The following CPLX1 variants were observed in gnomAD, a reference collection of about 807,000 sequenced individuals.
The protein encoded by CPLX1 is complexin-1.
CPLX1 carries 6 observed loss-of-function variants against 15.6 expected under a neutral mutation model. The ratio of observed to expected loss-of-function variants is 0.39; its 90% confidence interval spans 0.21 to 0.76. The LOEUF is 0.76. Among genes scored for constraint, CPLX1 ranks in the 30% least tolerant of loss-of-function variants. CPLX1 has a pLI of 0.43. For synonymous variants in CPLX1, 91 were observed against 75.2 expected, an observed-to-expected ratio of 1.21 and a Z score of -1.08; for missense variants, 242 against 188.6, an observed-to-expected ratio of 1.28 and a Z score of -1.66.
At chr4:816,214 T>A (rs926929951) in intron 2 of CPLX1, among the ~76,000 whole-genome samples, 25 of 59,956 alleles carry the variant, frequency 4.2e-4, no homozygotes, top group Admixed American at 4.8e-4. Flanking sequence ...CTCCGTGAAA[T>A]TTTTTTTTTT....
intron 3 of CPLX1, chr4:788,083 A>G: frequency 2.0e-6 from 2 of 985,396 alleles, no homozygotes; most frequent in Non-Finnish European, 2.4e-6. Flanking sequence ...GGAGGAGCAC[A>G]CCGCGGGATC....
chr4:797,760 C>T lies in CPLX1; in HGVS notation c.32-5152G>A, dbSNP rs192648532. On this transcript the variant is annotated intron_variant, in intron 2 of 3. Coordinates refer to ENST00000304062, the MANE Select transcript of CPLX1 (RefSeq NM_006651.4). Reference sequence around the variant, plus strand: ...CATCCTGGCTAACACAATGAGACCCCGTCTCTACTAAAAATACAAAAAAGT... The same window carrying T: ...CATCCTGGCTAACACAATGAGACCCTGTCTCTACTAAAAATACAAAAAAGT... Among the ~76,000 whole-genome samples the T allele has an allele frequency of 8.3e-3, 1,254 of 151,798 alleles. 4 individuals carry two copies. The highest frequency in any genetic ancestry group is 0.013 in the Non-Finnish European group (871 of 67,888).
chr4:812,042 AT>A (rs1432275546), intron 2 of CPLX1, among the ~76,000 whole-genome samples: 7 of 151,882 alleles, frequency 4.6e-5, no homozygotes, highest in Admixed American at 1.3e-4. Flanking sequence ...TTTTTTCCCT[AT>A]CTTTTCACTT....
chr4:801,435 G>C (rs900307244), intron 2 of CPLX1, among the ~76,000 whole-genome samples: 1 of 152,198 alleles, frequency 6.6e-6, no homozygotes, highest in African/African-American at 2.4e-5. Context: ...CACCAAAGAA[G>C]AGAAACAGAT....
rs1285587308 is a variant in CPLX1, at chr4:785,581, A to G, written c.*920T>C. On this transcript the variant is annotated 3_prime_UTR_variant, in exon 4 of 4. Coordinates refer to ENST00000304062, the MANE Select transcript of CPLX1 (RefSeq NM_006651.4). The stretch of plus-strand genomic sequence containing the variant: ...TCGGATGCCGCCCCGCAGGGCCACC[A>G]GGTGGATTAGGCCACACACGCGCCA... 1 of 129,132 alleles carries G rather than the reference A, an allele frequency of 7.7e-6. No individual in the cohort carries two copies. The highest frequency in any genetic ancestry group is 2.7e-5 in the African/African-American group (1 of 36,998). 8.0% of individuals were successfully genotyped at this position (129,132 alleles called of 1,614,324 possible).
chr4:786,958 A>T, intron 3 of CPLX1: 4 of 985,080 alleles, frequency 4.1e-6, no homozygotes, highest in East Asian at 2.3e-4. Context: ...CTTCCTTGAG[A>T]GGAGAGAGGG....
chr4:815,424 A>AAAG (rs1415557825), intron 2 of CPLX1, among the ~76,000 whole-genome samples: 1 of 151,484 alleles, frequency 6.6e-6, no homozygotes, highest in East Asian at 1.9e-4. Flanking sequence ...AAAAAAAAAA[A>AAAG]AAAAAAGAAC....
intron 3 of CPLX1, among the ~76,000 whole-genome samples, 179 bp downstream of exon 3, chr4:792,254 G>C (rs968507249): frequency 1.3e-5 from 2 of 152,178 alleles, no homozygotes; most frequent in African/African-American, 4.8e-5. Context: ...GCCCCACAGA[G>C]GGAGCCCAAC....
chr4:825,242 C>A (rs1367441708), intron 1 of CPLX1, among the ~76,000 whole-genome samples: 1 of 152,120 alleles, frequency 6.6e-6, no homozygotes, highest in East Asian at 1.9e-4. Flanking sequence ...CGCTCTGGTC[C>A]CCTCTTGGGA....
intron 2 of CPLX1, among the ~76,000 whole-genome samples, chr4:813,936 C>G (rs1204668693): frequency 6.6e-6 from 1 of 152,222 alleles, no homozygotes; most frequent in East Asian, 1.9e-4. Flanking sequence ...GGGAAAGTCT[C>G]TGACACAAAG....
At chr4:799,224 T>C (rs1746405361) in intron 2 of CPLX1, among the ~76,000 whole-genome samples, 1 of 152,262 alleles carries the variant, frequency 6.6e-6, no homozygotes, top group African/African-American at 2.4e-5. Flanking sequence ...GAAGGAACGC[T>C]ACAGAGAGAG....
chr4:786,959 G>A, intron 3 of CPLX1: 3 of 985,120 alleles, frequency 3.0e-6, no homozygotes, highest in Non-Finnish European at 3.6e-6. Context: ...TTCCTTGAGA[G>A]GAGAGAGGGC....
chr4:803,566 A>ATT (rs370509722), intron 2 of CPLX1, among the ~76,000 whole-genome samples: 11 of 132,374 alleles, frequency 8.3e-5, no homozygotes, highest in African/African-American at 3.0e-4. Flanking sequence ...AATTTTTTGT[A>ATT]TTTTTTTTTT....
intron 2 of CPLX1, among the ~76,000 whole-genome samples, chr4:814,206 C>T (rs1490811498): frequency 6.6e-6 from 1 of 152,118 alleles, no homozygotes; most frequent in Non-Finnish European, 1.5e-5. Flanking sequence ...GCTAGCTGTC[C>T]CCACTCTGCC....
chr4:822,773 G>C (rs548978667), intron 2 of CPLX1, among the ~76,000 whole-genome samples: 2 of 152,188 alleles, frequency 1.3e-5, no homozygotes, highest in Non-Finnish European at 2.9e-5. Flanking sequence ...GCAACAATGA[G>C]GCTCGCCGGG....
chr4:812,810 C>T (rs1186788023), intron 2 of CPLX1, among the ~76,000 whole-genome samples: 4 of 152,108 alleles, frequency 2.6e-5, no homozygotes, highest in East Asian at 1.9e-4. Context: ...GGTGTCCTAA[C>T]GCTGCCTGCT....
chr4:812,042 A>G (rs1378913838), intron 2 of CPLX1, among the ~76,000 whole-genome samples: 1 of 151,764 alleles, frequency 6.6e-6, no homozygotes, highest in Non-Finnish European at 1.5e-5. Context: ...TTTTTTCCCT[A>G]TCTTTTCACT....
At chr4:813,468 G>C (rs1222015611) in intron 2 of CPLX1, among the ~76,000 whole-genome samples, 1 of 152,086 alleles carries the variant, frequency 6.6e-6, no homozygotes, top group Non-Finnish European at 1.5e-5. Context: ...AGGCCCTGCT[G>C]TCAGGCGAGT....
intron 2 of CPLX1, among the ~76,000 whole-genome samples, chr4:821,238 A>C (rs1746856944): frequency 6.6e-6 from 1 of 152,244 alleles, no homozygotes; most frequent in African/African-American, 2.4e-5. Context: ...CACCGGAGTC[A>C]CTGGACCTGC....
Sources: gnomAD v4.1 joint callset for allele counts (sites outside exome capture counted in the v4.1 genomes callset) on GRCh38, gnomAD v4.1.1 for gene constraint, MANE v1.5 for transcripts, NCBI Gene and HGNC (gene_info 2026-07-23, HGNC 2026-07-21) for gene names.